MYH8: variants seen among roughly 807,000 people sequenced by gnomAD.
MYH8 encodes myosin-8.
Under a neutral mutation model 233.2 loss-of-function variants are expected in MYH8, and 168 were observed. That is an observed-to-expected ratio of 0.72 (90% CI 0.64 to 0.82). MYH8 has a LOEUF of 0.82. MYH8 is among the 40% of genes least tolerant of loss of function. The pLI is 0.00. For missense variants in MYH8, 1,995 were observed against 2,327.8 expected (o/e 0.86, Z 2.94); for synonymous variants, 785 against 850.6 (o/e 0.92, Z 1.34).
rs374898030 is a variant in MYH8 at position 10,393,152 on chromosome 17, C to G, written c.5225G>C (p.Ser1742Thr). 1.2e-6 allele frequency: 2 copies of G among 1,614,100 alleles called. No homozygotes were observed. Among genetic ancestry groups the G allele is most frequent in the African/African-American group, 1.3e-5 (1 of 74,918 alleles). The change falls in exon 36 of 40, where the codon AGT (serine) becomes ACT (threonine). Residue 1742 changes from serine (S) to threonine (T), a missense_variant. Transcript: ENST00000403437. ...TTCTTGGATTACTTCTTCCACTTCA[C>G]TTTGGAGTTGGGAAACGTCATTTTC... ...KLENDVSQLQSEVEEVIQESR... is the reference protein window; with the variant it reads ...KLENDVSQLQTEVEEVIQESR...
chr17:10,412,226 C>G, intron 14 of MYH8, 144 bp downstream of exon 14: 1 of 1,501,410 alleles, frequency 6.7e-7, no homozygotes, highest in Non-Finnish European at 9.2e-7. Flanking sequence ...ATTATGTTAC[C>G]TCCTATTTTG....
Position 10,418,772 on chromosome 17 carries a change from G to A in MYH8, c.384C>T (p.Val128=). The A allele has an allele frequency of 6.2e-7, 1 of 1,613,896 alleles. No individual in the cohort carries two copies. Among genetic ancestry groups the A allele is most frequent in the African/African-American group, 1.3e-5 (1 of 75,032 alleles). ...ACACCGGCAGCCACTTGTAGGGGTT[G>A]ACGGTGACACAGAAGAGGCCTGAGT... The part of the protein sequence containing the change: ...YTYSGLFCVT[V]NPYKWLPVYK... The change falls in exon 5 of 40, where the codon GTC becomes GTT. Residue 128 remains valine, a synonymous_variant. Coordinates refer to ENST00000403437, the MANE Select transcript of MYH8 (RefSeq NM_002472.3).
chr17:10,394,419 C>A lies in MYH8; in HGVS notation c.4996G>T (p.Gly1666Cys). The change falls in exon 35 of 40, where the codon GGC becomes TGC. Residue 1666 changes from glycine to cysteine, a missense_variant. Physicochemically the swap from Gly to Cys is radical, Grantham distance 159 (BLOSUM62 -3). Transcript: ENST00000403437. ...AGCTGTTCCTTGAGGTCCTCCTGGCCCCGGAGAGCATCATCCAGGTGGAGC... is the reference window on the plus strand; with the variant it reads ...AGCTGTTCCTTGAGGTCCTCCTGGCACCGGAGAGCATCATCCAGGTGGAGC... ...TQLHLDDALR[G>C]QEDLKEQLAI... 6.2e-7 allele frequency: 1 copy of A among 1,614,098 alleles called. No homozygotes were observed. The highest frequency in any genetic ancestry group is 2.2e-5 in the East Asian group (1 of 44,878).
At position 10,401,695 on chromosome 17, in the gene MYH8, C is replaced by G. The variant is rs781149673; in HGVS notation, c.2779G>C (p.Glu927Gln). 1.6e-5 allele frequency: 26 copies of G among 1,614,022 alleles called. No individual in the cohort carries two copies. Among genetic ancestry groups the G allele is most frequent in the Non-Finnish European group, 2.2e-5 (26 of 1,180,050 alleles). ...ATCTCTTCCTCCTCCTCAGCTCTTT[C>G]AGTCACCTCTTTGATTTTGGCCTCA... ...QLEAKIKEVT[E>Q]RAEEEEEINA... is the part of the protein sequence containing the mutation. Residue 927 changes from glutamate (E) to glutamine (Q), a missense_variant, in exon 23 of 40, where the codon GAA becomes CAA. By Grantham distance (29) the Glu-to-Gln change is conservative (BLOSUM62 2). Transcript: ENST00000403437.
Position 10,401,920 on chromosome 17 carries a change from A to C in MYH8, c.2689-135T>G, listed in dbSNP as rs2072147181. 19 of 1,272,970 alleles carry C rather than the reference A, an allele frequency of 1.5e-5. 1 individual carries two copies. The South Asian group carries it at 2.4e-4, about 16-fold the overall frequency. The allele number at this position is 1,272,970 out of a possible 1,614,324, so 78.9% of individuals were successfully genotyped here. A position where few individuals can be genotyped will look rare whatever the true frequency, so the allele number is the denominator to read the frequency against. The stretch of plus-strand genomic sequence containing the variant: ...TATGAATATAAATTTAATTTAATCG[A>C]ACATTATTACATGGTCTGGAGAAAT... On this transcript the variant is annotated intron_variant, in intron 22 of 39. Coordinates refer to ENST00000403437, the MANE Select transcript of MYH8 (RefSeq NM_002472.3).
chr17:10,412,272 A>G, intron 14 of MYH8, 98 bp downstream of exon 14: 2 of 1,611,912 alleles, frequency 1.2e-6, no homozygotes, highest in South Asian at 2.2e-5. Context: ...TGTTGGAGCA[A>G]GTAATATGGA....
chr17:10,406,130 A>C lies in MYH8; in HGVS notation c.2343T>G (p.Asp781Glu). Residue 781 changes from aspartate to glutamate, a missense_variant, in exon 21 of 40, where the codon GAT becomes GAG. Transcript: ENST00000403437. ...GLLGLLEEMR[D>E]EKLAQIITRT... Reference sequence around the variant, plus strand: ...TTGTTATAATTTGGGCTAATTTTTCATCTCTCATTTCTTCCAGAAGACCCA... The same window carrying C: ...TTGTTATAATTTGGGCTAATTTTTCCTCTCTCATTTCTTCCAGAAGACCCA... The C allele has an allele frequency of 6.2e-7, 1 of 1,614,084 alleles. No individual in the cohort carries two copies. The highest frequency in any genetic ancestry group is 8.5e-7 in the Non-Finnish European group (1 of 1,180,004).
At position 10,409,422 on chromosome 17, in the gene MYH8, T is replaced by C. The variant is rs140591842; in HGVS notation, c.1754A>G (p.Tyr585Cys). 1 of 1,614,076 alleles carries C rather than the reference T, an allele frequency of 6.2e-7. No individual in the cohort carries two copies. Among genetic ancestry groups the C allele is most frequent in the Non-Finnish European group, 8.5e-7 (1 of 1,180,040 alleles). ...KAEAHFSLIH[Y>C]AGTVDYNITG... ...AATGTTGTAGTCCACAGTGCCAGCA[T>C]AGTGAATCAGAGAGAAGTGGGCCTC... Residue 585 changes from tyrosine (Y) to cysteine (C), a missense_variant, in exon 16 of 40, where the codon TAT becomes TGT. Physicochemically the swap from Tyr to Cys is radical, Grantham distance 194. Around this residue, in one of 3 missense-constraint regions of MYH8, gnomAD observed 1,498 missense variants for 1,680.9 expected, o/e 0.89. Transcript: ENST00000403437.
chr17:10,407,106 T>A, intron 17 of MYH8, 127 bp from the exon 18 acceptor site: 1 of 776,714 alleles, frequency 1.3e-6, no homozygotes, highest in South Asian at 1.5e-5. Context: ...TCAATTGCTC[T>A]GTATTTTGAG....
chr17:10,402,044 A>T (rs976290923), intron 22 of MYH8, among the ~76,000 whole-genome samples: 9 of 152,198 alleles, frequency 5.9e-5, no homozygotes, highest in Non-Finnish European at 1.3e-4. Flanking sequence ...TTTGTAGAAG[A>T]GTGGAAAGAC....
chr17:10,418,694 C>A lies in MYH8; in HGVS notation c.462G>T (p.Pro154=), dbSNP rs376637883. 1.2e-6 allele frequency: 2 copies of A among 1,613,864 alleles called. No homozygotes were observed. The highest frequency in any genetic ancestry group is 2.2e-5 in the South Asian group (2 of 91,076). The change falls in exon 5 of 40, where the codon CCG becomes CCT. Residue 154 remains proline, a synonymous_variant. Transcript: ENST00000403437. The stretch of plus-strand genomic sequence containing the variant: ...TGTCAGAGATGGAGAAGATGTGGGG[C>A]GGGGCCTCCTGGCGCTTTTTGCCTC... The part of the protein sequence containing the change: ...AYRGKKRQEA[P]PHIFSISDNA...
rs138734189 is a variant in MYH8 at position 10,415,249 on chromosome 17, C to T, written c.741+43G>A. 35 of 1,601,686 alleles carry T rather than the reference C, an allele frequency of 2.2e-5. No individual in the cohort carries two copies. Among genetic ancestry groups the T allele is most frequent in the Non-Finnish European group, 2.7e-5 (31 of 1,168,824 alleles). Reference sequence around the variant, plus strand: ...GATGCAAATGAAATAATAATTCAGACGTGGCTACTCTGGAAGTTAGGGGTT... The same window carrying T: ...GATGCAAATGAAATAATAATTCAGATGTGGCTACTCTGGAAGTTAGGGGTT... On this transcript the variant is annotated intron_variant, in intron 8 of 39. Coordinates refer to ENST00000403437, the MANE Select transcript of MYH8 (RefSeq NM_002472.3). The surrounding 1 kb of genome is among the most constrained non-coding windows in gnomAD (Gnocchi z 4.1).
At chr17:10,405,335 G>T (rs145429417) in intron 21 of MYH8, among the ~76,000 whole-genome samples, 457 of 152,280 alleles carry the variant, frequency 3.0e-3, no homozygotes, top group Middle Eastern at 0.027. Flanking sequence ...AGACTGGCTA[G>T]GTTTGACTAC....
At chr17:10,399,416 G>T (rs1362797932) in intron 28 of MYH8, 127 bp downstream of exon 28, 4 of 1,512,630 alleles carry the variant, frequency 2.6e-6, no homozygotes, top group African/African-American at 2.8e-5. Flanking sequence ...TTTCCTTTTT[G>T]ACCTTCTTAG....
Position 10,390,591 on chromosome 17 carries a change from T to G in MYH8, c.5677A>C (p.Asn1893His), listed in dbSNP as rs771959591. 7.4e-6 allele frequency: 12 copies of G among 1,614,040 alleles called. No individual in the cohort carries two copies. The South Asian group carries it at 1.3e-4, about 18-fold the overall frequency. ...TTGCGGAATTTAGATAGATTAGCAT[T>G]GGATTGTTCCTCCTAAGAATAGAGA... ...RQAEEAEEQS[N>H]ANLSKFRKLQ... is the part of the protein sequence containing the mutation. Residue 1893 changes from asparagine to histidine, a missense_variant, in exon 40 of 40, where the codon AAT becomes CAT. Asn to His is a moderately conservative substitution (Grantham distance 68). Around this residue, in one of 3 missense-constraint regions of MYH8, gnomAD observed 1,498 missense variants for 1,680.9 expected, o/e 0.89. Transcript: ENST00000403437.
chr17:10,408,565 G>C (rs2072215996), intron 17 of MYH8, among the ~76,000 whole-genome samples: 1 of 152,156 alleles, frequency 6.6e-6, no homozygotes, highest in South Asian at 2.1e-4. Context: ...ACTTTGTAGT[G>C]AAATTATTAT....
At position 10,415,044 on chromosome 17, in the gene MYH8, G is replaced by T; in HGVS notation, c.805+72C>A. 1 of 1,417,612 alleles carries T rather than the reference G, an allele frequency of 7.1e-7. No individual in the cohort carries two copies. The highest frequency in any genetic ancestry group is 1.0e-6 in the Non-Finnish European group (1 of 1,001,648). 87.8% of individuals were successfully genotyped at this position (1,417,612 alleles called of 1,614,324 possible). ...TTTTAACAGGCTTCATGCACAGCAAGGGTGGCAAAATATCCCTGCAAATGA... is the reference window on the plus strand; with the variant it reads ...TTTTAACAGGCTTCATGCACAGCAATGGTGGCAAAATATCCCTGCAAATGA... On this transcript the variant is annotated intron_variant, in intron 9 of 39. Coordinates refer to ENST00000403437, the MANE Select transcript of MYH8 (RefSeq NM_002472.3). This position sits in a 1 kb window ranked among gnomAD's most constrained non-coding sequence, Gnocchi z 4.1.
At position 10,406,222 on chromosome 17, in the gene MYH8, T is replaced by C. The variant is rs185569481; in HGVS notation, c.2296-45A>G. On this transcript the variant is annotated intron_variant, in intron 20 of 39. Coordinates refer to ENST00000403437, the MANE Select transcript of MYH8 (RefSeq NM_002472.3). ...CAAATCATCTCCATACTGCAGGAGA[T>C]GCAGAAATGGCAGAAGGTACTTGGA... is the stretch of plus-strand genomic sequence containing the variant. The C allele has an allele frequency of 4.8e-4, 770 of 1,614,128 alleles. 1 individual carries two copies. In the African/African-American group the frequency reaches 8.8e-3, roughly 19 times the overall value.
intron 30 of MYH8, 46 bp from the exon 31 acceptor site, chr17:10,397,032 C>G: frequency 6.3e-7 from 1 of 1,597,610 alleles, no homozygotes; most frequent in South Asian, 1.1e-5. Flanking sequence ...AGACCAGAAG[C>G]AAAGTGATAA....
Sources: gnomAD v4.1 joint callset for allele counts (sites outside exome capture counted in the v4.1 genomes callset) on GRCh38, gnomAD v4.1.1 for gene constraint, gnomAD v4.1.1 regional missense constraint, Gnocchi (gnomAD v3.1) non-coding constraint, MANE v1.5 for transcripts, NCBI Gene and HGNC (gene_info 2026-07-23, HGNC 2026-07-21) for gene names.